WDR49: variants seen among roughly 807,000 people sequenced by gnomAD.
WDR49 encodes WD repeat domain 49, also known as cilia- and flagella-associated protein 337.
In WDR49, 107 loss-of-function variants were observed where a neutral mutation model predicts 119.5. The observed-to-expected ratio is 0.90, with a 90% CI of 0.77 to 1.05. The LOEUF (loss-of-function observed/expected upper bound fraction) is 1.05. Ranked by LOEUF, WDR49 falls within the 50% of genes least tolerant of loss-of-function variation. The probability of loss-of-function intolerance (pLI) is 0.00; values close to 1 mark genes in which losing one functional copy is unlikely to be tolerated. For synonymous variants in WDR49, 425 were observed against 418.8 expected, an observed-to-expected ratio of 1.01 and a Z score of -0.18; for missense variants, 1,240 against 1,220.5, an observed-to-expected ratio of 1.02 and a Z score of -0.24.
chr3:167,642,118 T>C (rs1177785130), intron 2 of WDR49, among the ~76,000 whole-genome samples: 1 of 151,932 alleles, frequency 6.6e-6, no homozygotes, highest in African/African-American at 2.4e-5. Context: ...ACTATAAAAA[T>C]GTTTCATATA....
chr3:167,547,502 A>T (rs1354555002), intron 10 of WDR49, among the ~76,000 whole-genome samples: 1 of 151,822 alleles, frequency 6.6e-6, no homozygotes, highest in East Asian at 1.9e-4. Flanking sequence ...TCTCATTAAG[A>T]TCATGACCAA....
At chr3:167,496,890 AAC>A (rs1320343484) in intron 18 of WDR49, among the ~76,000 whole-genome samples, 2 of 151,642 alleles carry the variant, frequency 1.3e-5, no homozygotes, top group African/African-American at 4.9e-5. Flanking sequence ...ACACATTCCA[AAC>A]ACATTTGACT....
At chr3:167,481,003 C>T (rs752616037) in intron 18 of WDR49, among the ~76,000 whole-genome samples, 58 of 150,676 alleles carry the variant, frequency 3.8e-4, no homozygotes, top group Non-Finnish European at 6.5e-4. Context: ...GGTTGTAAAA[C>T]TTGAAGGATA....
chr3:167,544,922 G>A (rs1392020906), intron 10 of WDR49, among the ~76,000 whole-genome samples: 4 of 151,910 alleles, frequency 2.6e-5, no homozygotes, highest in African/African-American at 9.7e-5. Context: ...TAGAGTGGGA[G>A]AAAATCTTCG....
At chr3:167,528,155 AT>A (rs1752704079) in intron 14 of WDR49, 138 bp from the exon 15 acceptor site, 1 of 643,582 alleles carries the variant, frequency 1.6e-6, no homozygotes, top group East Asian at 2.9e-5. Flanking sequence ...AAAGTTCATG[AT>A]AAAAGAGGCT....
chr3:167,558,982 T>C (rs888785907), intron 9 of WDR49, among the ~76,000 whole-genome samples: 1 of 152,184 alleles, frequency 6.6e-6, no homozygotes, highest in Non-Finnish European at 1.5e-5. Context: ...CCTTCACACA[T>C]CTTATCAGCT....
At chr3:167,564,901 T>C (rs1214657746) in intron 8 of WDR49, among the ~76,000 whole-genome samples, 1 of 151,692 alleles carries the variant, frequency 6.6e-6, no homozygotes, top group Non-Finnish European at 1.5e-5. Flanking sequence ...AAGTCCTGGG[T>C]CTAAGAAAAA....
At position 167,556,721 on chromosome 3, in the gene WDR49, A is replaced by T. The variant is rs151161776; in HGVS notation, c.1675-1923T>A. ...GCCAACATGGTGAAACCCTGTCTCC[A>T]CTAAAATTACAAAAATTAGGCAGGG... On this transcript the variant is annotated intron_variant, in intron 9 of 18. Transcript: ENST00000682715. 8.2e-3 allele frequency among the ~76,000 whole-genome samples: 1,253 copies of T among 152,156 alleles called. 6 individuals are homozygous for T. The highest frequency in any genetic ancestry group is 0.014 in the Non-Finnish European group (968 of 67,984).
chr3:167,557,609 C>T (rs891996042), intron 9 of WDR49, among the ~76,000 whole-genome samples: 15 of 152,094 alleles, frequency 9.9e-5, no homozygotes, highest in Admixed American at 3.9e-4. Context: ...AAAAATTAGC[C>T]GGGCGTGGTG....
At chr3:167,501,139 T>G (rs1278981878) in intron 17 of WDR49, among the ~76,000 whole-genome samples, 1 of 152,190 alleles carries the variant, frequency 6.6e-6, no homozygotes, top group Non-Finnish European at 1.5e-5. Flanking sequence ...TCTCATAATT[T>G]ACATTTCTAA....
intron 6 of WDR49, among the ~76,000 whole-genome samples, chr3:167,602,863 C>A (rs1248204494): frequency 6.6e-6 from 1 of 152,038 alleles, no homozygotes; most frequent in African/African-American, 2.4e-5. Context: ...TACATAAATA[C>A]CATTGTGTTA....
chr3:167,596,547 A>T (rs1343180583), intron 7 of WDR49, among the ~76,000 whole-genome samples: 2 of 150,736 alleles, frequency 1.3e-5, no homozygotes, highest in Non-Finnish European at 3.0e-5. Context: ...GCCATAAAAA[A>T]TGATGAGTTC....
chr3:167,486,724 T>C (rs758554364), intron 18 of WDR49, among the ~76,000 whole-genome samples: 13 of 151,988 alleles, frequency 8.6e-5, no homozygotes, highest in Non-Finnish European at 1.3e-4. Flanking sequence ...AGCATCGAGA[T>C]TCATAAAACA....
intron 10 of WDR49, among the ~76,000 whole-genome samples, chr3:167,551,611 T>C (rs1712577516): frequency 6.6e-6 from 1 of 152,032 alleles, no homozygotes; most frequent in Admixed American, 6.6e-5. Flanking sequence ...TTGGCTGAGC[T>C]ACCCAACTTC....
chr3:167,647,584 AT>A (rs1559931858), intron 2 of WDR49, among the ~76,000 whole-genome samples: 1 of 152,184 alleles, frequency 6.6e-6, no homozygotes, highest in Non-Finnish European at 1.5e-5. Flanking sequence ...CTGCAGTAGT[AT>A]TGGATTTGTC....
intron 17 of WDR49, among the ~76,000 whole-genome samples, chr3:167,503,897 C>G (rs1018565776): frequency 6.6e-6 from 1 of 152,236 alleles, no homozygotes. Flanking sequence ...TTGTCCCTCC[C>G]GCTGTGCTCT....
Position 167,524,028 on chromosome 3 carries a change from T to C in WDR49, c.2605-1544A>G, listed in dbSNP as rs540105554. 6.6e-5 allele frequency among the ~76,000 whole-genome samples: 10 copies of C among 152,280 alleles called. No homozygotes were observed. The East Asian group carries it at 1.5e-3, about 24-fold the overall frequency. ...ACTCTCACCAACAGTGTAAAAGCATTCCTATTTCTCCACATCCTCACCAGC... is the reference window on the plus strand; with the variant it reads ...ACTCTCACCAACAGTGTAAAAGCATCCCTATTTCTCCACATCCTCACCAGC... On this transcript the variant is annotated intron_variant, in intron 15 of 18. Transcript: ENST00000682715.
chr3:167,577,151 T>C (rs1343475033), intron 7 of WDR49, among the ~76,000 whole-genome samples: 2 of 152,152 alleles, frequency 1.3e-5, no homozygotes, highest in African/African-American at 2.4e-5. Context: ...TTAGATTCAA[T>C]AGACATTAAA....
intron 18 of WDR49, among the ~76,000 whole-genome samples, chr3:167,491,957 C>G (rs1751149384): frequency 6.6e-6 from 1 of 152,026 alleles, no homozygotes; most frequent in African/African-American, 2.4e-5. Context: ...GAAAACTGTC[C>G]CAAGTTCCAA....
Sources: gnomAD v4.1 joint callset for allele counts (sites outside exome capture counted in the v4.1 genomes callset) on GRCh38, gnomAD v4.1.1 for gene constraint, MANE v1.5 for transcripts, NCBI Gene and HGNC (gene_info 2026-07-23, HGNC 2026-07-21) for gene names.